Variants in CCSER1 observed in about 807,000 individuals in gnomAD.
CCSER1 encodes the protein coiled-coil serine rich protein 1, also known as serine-rich coiled-coil domain-containing protein 1.
In CCSER1, 41 loss-of-function variants were observed where a neutral mutation model predicts 82.0. That is an observed-to-expected ratio of 0.50 (90% CI 0.39 to 0.65). The LOEUF is 0.65. Among genes scored for constraint, CCSER1 ranks in the 30% least tolerant of loss-of-function variants. CCSER1 has a pLI of 0.00. For missense variants in CCSER1, 1,119 were observed against 1,064.2 expected, an observed-to-expected ratio of 1.05 and a Z score of -0.72; for synonymous variants, 414 against 383.9, an observed-to-expected ratio of 1.08 and a Z score of -0.92.
At chr4:91,344,731 A>G (rs189484832) in intron 10 of CCSER1, among the ~76,000 whole-genome samples, 1 of 152,240 alleles carries the variant, frequency 6.6e-6, no homozygotes, top group East Asian at 1.9e-4. Flanking sequence ...GAAAGTTGCT[A>G]TCTGGGAAAA....
At chr4:90,856,591 C>A (rs138288712) in intron 8 of CCSER1, among the ~76,000 whole-genome samples, 2 of 151,844 alleles carry the variant, frequency 1.3e-5, no homozygotes, top group Non-Finnish European at 2.9e-5. Context: ...CCATCTTCCC[C>A]GACGTAAAAG....
At chr4:91,132,774 TA>T (rs1442134364) in intron 10 of CCSER1, among the ~76,000 whole-genome samples, 1 of 152,194 alleles carries the variant, frequency 6.6e-6, no homozygotes, top group Non-Finnish European at 1.5e-5. Context: ...AGCTGAAACA[TA>T]ACTTTCAGTT....
chr4:91,528,746 G>A (rs1275726131), intron 10 of CCSER1, among the ~76,000 whole-genome samples: 1 of 152,122 alleles, frequency 6.6e-6, no homozygotes, highest in Non-Finnish European at 1.5e-5. Context: ...TCTGTGTAAA[G>A]TCTGCTTTTT....
At chr4:90,982,446 A>G (rs1177006919) in intron 9 of CCSER1, among the ~76,000 whole-genome samples, 2 of 151,902 alleles carry the variant, frequency 1.3e-5, no homozygotes, top group South Asian at 4.1e-4. Flanking sequence ...AGCAATATGC[A>G]TAAATTAGCA....
At chr4:91,006,043 G>A (rs752060442) in intron 9 of CCSER1, among the ~76,000 whole-genome samples, 2 of 152,076 alleles carry the variant, frequency 1.3e-5, no homozygotes, top group Admixed American at 6.6e-5. Context: ...TCATGATTGC[G>A]TTGACTACTT....
intron 10 of CCSER1, among the ~76,000 whole-genome samples, chr4:91,492,266 T>C (rs114871289): frequency 1.8e-3 from 281 of 152,160 alleles, no homozygotes; most frequent in African/African-American, 6.4e-3. Flanking sequence ...ACTGACAACA[T>C]AGAATGGCTG....
intron 8 of CCSER1, among the ~76,000 whole-genome samples, chr4:90,893,387 G>A (rs1723220929): frequency 6.6e-6 from 1 of 152,048 alleles, no homozygotes; most frequent in Non-Finnish European, 1.5e-5. Context: ...TCTCTGGCAT[G>A]TCAGCCCCCA....
intron 6 of CCSER1, 145 bp from the exon 7 acceptor site, chr4:90,723,769 T>G (rs1312357659): frequency 4.9e-6 from 2 of 408,382 alleles, no homozygotes; most frequent in Non-Finnish European, 8.9e-6. Context: ...TAATTATGAT[T>G]AAATCTACGT....
At chr4:90,996,820 G>A (rs1045782821) in intron 9 of CCSER1, among the ~76,000 whole-genome samples, 22 of 152,024 alleles carry the variant, frequency 1.4e-4, no homozygotes, top group African/African-American at 5.3e-4. Flanking sequence ...AATAATCTAA[G>A]TTGATTGTAT....
intron 8 of CCSER1, among the ~76,000 whole-genome samples, chr4:90,885,499 A>G (rs2095893098): frequency 6.6e-6 from 1 of 152,134 alleles, no homozygotes; most frequent in Non-Finnish European, 1.5e-5. Context: ...ATTTTGGGCA[A>G]TTTATTTGGA....
chr4:90,203,196 AT>A (rs1259505904), intron 1 of CCSER1, among the ~76,000 whole-genome samples: 2 of 151,894 alleles, frequency 1.3e-5, no homozygotes, highest in Non-Finnish European at 2.9e-5. Context: ...GTAGTTGATG[AT>A]TTTTTCTTTT....
At chr4:90,559,908 C>T (rs1778560722) in intron 5 of CCSER1, among the ~76,000 whole-genome samples, 1 of 149,706 alleles carries the variant, frequency 6.7e-6, no homozygotes, top group Non-Finnish European at 1.5e-5. Flanking sequence ...TACTTTAGTC[C>T]AGGCAGTTCC....
chr4:91,150,990 G>C (rs1730124886), intron 10 of CCSER1, among the ~76,000 whole-genome samples: 1 of 152,196 alleles, frequency 6.6e-6, no homozygotes, highest in South Asian at 2.1e-4. Context: ...CTCCCAAAAT[G>C]AGTTAGGGAG....
rs377402127 is a variant in CCSER1 at position 90,168,457 on chromosome 4, A to T, written c.-42+40626A>T. Among the ~76,000 whole-genome samples the T allele has an allele frequency of 4.6e-5, 7 of 152,078 alleles. No individual in the cohort carries two copies. The Middle Eastern group carries it at 0.01, about 222-fold the overall frequency. On this transcript the variant is annotated intron_variant, in intron 1 of 10. Coordinates refer to ENST00000509176, the MANE Select transcript of CCSER1 (RefSeq NM_001145065.2). Reference sequence around the variant, plus strand: ...TCACTCTGATGGTAGTTTCTTTTGCAGTGCAGAAGCTCTTTAGTTTAATTA... The same window carrying T: ...TCACTCTGATGGTAGTTTCTTTTGCTGTGCAGAAGCTCTTTAGTTTAATTA...
chr4:91,130,462 T>C (rs1012504460), intron 10 of CCSER1, among the ~76,000 whole-genome samples: 1 of 151,920 alleles, frequency 6.6e-6, no homozygotes, highest in African/African-American at 2.4e-5. Flanking sequence ...TCTAAGTATA[T>C]GTGATAGTGA....
intron 8 of CCSER1, among the ~76,000 whole-genome samples, chr4:90,820,845 A>G (rs1759640569): frequency 1.3e-5 from 2 of 152,016 alleles, no homozygotes; most frequent in Admixed American, 1.3e-4. Context: ...CGTATATTGT[A>G]TAGAAAGTCT....
intron 10 of CCSER1, among the ~76,000 whole-genome samples, chr4:91,515,085 T>C (rs182168139): frequency 6.6e-6 from 1 of 152,310 alleles, no homozygotes; most frequent in East Asian, 1.9e-4. Context: ...CAAATATATT[T>C]AACTATCACA....
At position 90,652,630 on chromosome 4, in the gene CCSER1, A is replaced by G. The variant is rs2069027; in HGVS notation, c.1932+24398A>G. 4.9e-4 allele frequency among the ~76,000 whole-genome samples: 74 copies of G among 152,290 alleles called. No homozygotes were observed. The South Asian group carries it at 0.013, about 27-fold the overall frequency. On this transcript the variant is annotated intron_variant, in intron 6 of 10. Transcript: ENST00000509176. ...TCCCTGTTATCTTATTATCTATTGC[A>G]AAAAAGAAGACCAAGATGAGATCAT...
intron 8 of CCSER1, among the ~76,000 whole-genome samples, chr4:90,907,526 G>A (rs1340794446): frequency 6.6e-6 from 1 of 151,904 alleles, no homozygotes; most frequent in African/African-American, 2.4e-5. Context: ...ATCATTAATT[G>A]GATGAATCAC....
Sources: allele counts gnomAD v4.1 joint callset (sites outside exome capture counted in the v4.1 genomes callset), GRCh38; gene constraint gnomAD v4.1.1; transcripts MANE v1.5; gene names NCBI Gene and HGNC (gene_info 2026-07-23, HGNC 2026-07-21).